Variants in ATP8A1 observed in about 807,000 individuals in gnomAD.
ATP8A1 encodes phospholipid-transporting ATPase IA.
Under a neutral mutation model 177.7 loss-of-function variants are expected in ATP8A1, and 90 were observed. The ratio of observed to expected loss-of-function variants is 0.51; its 90% confidence interval spans 0.43 to 0.60. The LOEUF (loss-of-function observed/expected upper bound fraction) is 0.60, where lower values mean the gene tolerates loss of function less well. Ranked by LOEUF, ATP8A1 falls within the 20% of genes least tolerant of loss-of-function variation. The pLI is 0.00. For synonymous variants in ATP8A1, 493 were observed against 485.9 expected (o/e 1.01, Z -0.19); for missense variants, 1,072 against 1,392.8 (o/e 0.77, Z 3.67).
intron 31 of ATP8A1, among the ~76,000 whole-genome samples, chr4:42,445,617 G>A (rs1184266219): frequency 6.6e-6 from 1 of 152,122 alleles, no homozygotes; most frequent in Admixed American, 6.6e-5. Context: ...GCACATTAAG[G>A]GTTTGCACAC....
chr4:42,489,050 CAG>C (rs905677275), intron 24 of ATP8A1, among the ~76,000 whole-genome samples: 11 of 152,108 alleles, frequency 7.2e-5, no homozygotes, highest in African/African-American at 2.7e-4. Context: ...GAGACACACA[CAG>C]AGAGAGGTCT....
At chr4:42,507,436 G>T (rs1724486754) in intron 22 of ATP8A1, among the ~76,000 whole-genome samples, 1 of 152,062 alleles carries the variant, frequency 6.6e-6, no homozygotes, top group Non-Finnish European at 1.5e-5. Context: ...TCCAAAGTCA[G>T]TTAAAAACAG....
chr4:42,412,299 A>T lies in ATP8A1; in HGVS notation c.*617T>A, dbSNP rs1712710145. ...TACATTTGGAAAGTCAGGCATGCAG[A>T]TCTTACAGCGGAACTGGAAGTAAAC... On this transcript the variant is annotated 3_prime_UTR_variant, in exon 37 of 37. Coordinates refer to ENST00000381668, the MANE Select transcript of ATP8A1 (RefSeq NM_006095.2). 1 of 152,242 alleles carries T rather than the reference A, an allele frequency of 6.6e-6. No individual in the cohort carries two copies. The highest frequency in any genetic ancestry group is 2.1e-4 in the South Asian group (1 of 4,838). The allele number at this position is 152,242 out of a possible 1,614,324, so 9.4% of individuals were successfully genotyped here.
At chr4:42,612,545 A>G (rs988450541) in intron 5 of ATP8A1, among the ~76,000 whole-genome samples, 6 of 151,156 alleles carry the variant, frequency 4.0e-5, no homozygotes, top group Non-Finnish European at 7.4e-5. Flanking sequence ...CTGAGCGTCA[A>G]CCTACTCTGT....
intron 10 of ATP8A1, among the ~76,000 whole-genome samples, chr4:42,581,168 C>A (rs1156933573): frequency 1.3e-5 from 2 of 151,900 alleles, no homozygotes; most frequent in Admixed American, 6.6e-5. Flanking sequence ...GAGTCTTGCT[C>A]TGTTGCCCAG....
chr4:42,649,955 A>T (rs915053747), intron 1 of ATP8A1, among the ~76,000 whole-genome samples: 1 of 152,198 alleles, frequency 6.6e-6, no homozygotes, highest in Non-Finnish European at 1.5e-5. Flanking sequence ...CTACCCGGAG[A>T]ATACAATCAT....
intron 25 of ATP8A1, among the ~76,000 whole-genome samples, chr4:42,482,331 AAAC>A (rs752398680): frequency 3.1e-4 from 29 of 94,202 alleles, no homozygotes; most frequent in East Asian, 1.2e-3. Context: ...ACAAACAAAC[AAAC>A]AAAAAAAAAA....
At chr4:42,546,391 T>C (rs1289306422) in intron 19 of ATP8A1, among the ~76,000 whole-genome samples, 2 of 122,002 alleles carry the variant, frequency 1.6e-5, no homozygotes, top group African/African-American at 6.4e-5. Context: ...TGAGAACACA[T>C]GGACACAGGA....
chr4:42,543,709 G>C (rs563298509), intron 20 of ATP8A1, among the ~76,000 whole-genome samples: 1 of 152,026 alleles, frequency 6.6e-6, no homozygotes, highest in African/African-American at 2.4e-5. Context: ...AATAACCTAG[G>C]CCAAACTTTT....
chr4:42,448,091 CATAAAT>C (rs1717480028), intron 30 of ATP8A1, among the ~76,000 whole-genome samples: 1 of 152,064 alleles, frequency 6.6e-6, no homozygotes, highest in Non-Finnish European at 1.5e-5. Context: ...TATTGATTAT[CATAAAT>C]ATAAAACCTA....
At chr4:42,653,572 T>C (rs1741328032) in intron 1 of ATP8A1, among the ~76,000 whole-genome samples, 1 of 152,248 alleles carries the variant, frequency 6.6e-6, no homozygotes, top group Admixed American at 6.5e-5. Context: ...AGAGTCTATC[T>C]ACCATACCTT....
At chr4:42,588,200 G>A in intron 8 of ATP8A1, 60 bp downstream of exon 8, 1 of 1,376,854 alleles carries the variant, frequency 7.3e-7, no homozygotes, top group Non-Finnish European at 1.0e-6. Flanking sequence ...AAAGAAAGAA[G>A]CTCTTAATTC....
intron 25 of ATP8A1, among the ~76,000 whole-genome samples, chr4:42,482,924 C>T (rs1034505125): frequency 7.9e-5 from 12 of 152,080 alleles, no homozygotes; most frequent in African/African-American, 2.9e-4. Flanking sequence ...TGAACATAAA[C>T]GAATTTGGGA....
chr4:42,633,391 A>T (rs1738947843), intron 1 of ATP8A1, among the ~76,000 whole-genome samples: 1 of 152,240 alleles, frequency 6.6e-6, no homozygotes, highest in Admixed American at 6.5e-5. Context: ...CATCCGAAAT[A>T]TCATGATCTA....
At chr4:42,434,661 T>C (rs1715710029) in intron 33 of ATP8A1, among the ~76,000 whole-genome samples, 1 of 152,210 alleles carries the variant, frequency 6.6e-6, no homozygotes, top group Non-Finnish European at 1.5e-5. Flanking sequence ...TCTGGCTCTC[T>C]TGTTGCAGCT....
At chr4:42,461,244 C>CTTTTT (rs777847439) in intron 27 of ATP8A1, among the ~76,000 whole-genome samples, 3 of 84,536 alleles carry the variant, frequency 3.5e-5, no homozygotes, top group African/African-American at 4.6e-5. Context: ...TCAATTTTTT[C>CTTTTT]TTTCTTTTTT....
chr4:42,511,079 A>G (rs1468681088), intron 22 of ATP8A1, among the ~76,000 whole-genome samples: 3 of 152,198 alleles, frequency 2.0e-5, no homozygotes, highest in Non-Finnish European at 4.4e-5. Context: ...AAGCGTGTTA[A>G]TTTTCCCTTT....
chr4:42,451,990 G>A lies in ATP8A1; in HGVS notation c.2887C>T (p.Leu963Phe). The change falls in exon 30 of 37, where the codon CTT (leucine) becomes TTT (phenylalanine). Residue 963 changes from leucine (L) to phenylalanine (F), a missense_variant. This residue lies in a region of ATP8A1 where 316 missense variants were observed against 459.1 expected (regional missense o/e 0.69). Coordinates refer to ENST00000381668, the MANE Select transcript of ATP8A1 (RefSeq NM_006095.2). Reference sequence around the variant, plus strand: ...TATCCCTTCTACTTACCATACTGAAGGGCTTTTAGTGGAAACCAAAACAGA... The same window carrying A: ...TATCCCTTCTACTTACCATACTGAAAGGCTTTTAGTGGAAACCAAAACAGA... ...VILFWFPLKA[L>F]QYGTAFGNGK... The A allele has an allele frequency of 1.9e-6, 3 of 1,610,782 alleles. No individual in the cohort carries two copies. The highest frequency in any genetic ancestry group is 2.2e-5 in the South Asian group (2 of 90,814).
chr4:42,523,625 T>C (rs886412419), intron 21 of ATP8A1, among the ~76,000 whole-genome samples: 7 of 152,034 alleles, frequency 4.6e-5, no homozygotes, highest in Non-Finnish European at 8.8e-5. Context: ...ACAGAAAGAA[T>C]AGGGTAGAGG....
Sources: allele counts gnomAD v4.1 joint callset (sites outside exome capture counted in the v4.1 genomes callset), GRCh38; gene constraint gnomAD v4.1.1; regional missense constraint gnomAD v4.1.1; transcripts MANE v1.5; gene names NCBI Gene and HGNC (gene_info 2026-07-23, HGNC 2026-07-21).